Variants in CRYBG1 observed in about 807,000 individuals in gnomAD.
CRYBG1 encodes crystallin beta-gamma domain containing 1, also known as beta/gamma crystallin domain-containing protein 1.
Under a neutral mutation model 189.2 loss-of-function variants are expected in CRYBG1, and 139 were observed. The ratio of observed to expected loss-of-function variants is 0.73; its 90% CI spans 0.64 to 0.85. The LOEUF (loss-of-function observed/expected upper bound fraction) is 0.85, where lower values mean the gene tolerates loss of function less well. Among genes scored for constraint, CRYBG1 ranks in the 40% least tolerant of loss-of-function variants. The pLI is 0.00. For synonymous variants in CRYBG1, 1,023 were observed against 1,017.1 expected, an observed-to-expected ratio of 1.01 and a Z score of -0.11; for missense variants, 2,611 against 2,675.8, an observed-to-expected ratio of 0.98 and a Z score of 0.53.
intron 2 of CRYBG1, among the ~76,000 whole-genome samples, chr6:106,498,169 T>C (rs376804788): frequency 2.9e-4 from 44 of 150,514 alleles, no homozygotes; most frequent in African/African-American, 1.0e-3. Flanking sequence ...CCAATAGGTA[T>C]ATAAAACATA....
intron 1 of CRYBG1, among the ~76,000 whole-genome samples, chr6:106,423,787 C>G (rs1298981761): frequency 6.8e-6 from 1 of 147,394 alleles, no homozygotes; most frequent in African/African-American, 2.5e-5. Context: ...CTCACTGCAG[C>G]CTCAGTCTCC....
intron 15 of CRYBG1, among the ~76,000 whole-genome samples, chr6:106,552,891 A>AT (rs1774440712): frequency 6.6e-6 from 1 of 152,170 alleles, no homozygotes; most frequent in Non-Finnish European, 1.5e-5. Context: ...GACACTAGAC[A>AT]TTTTTTATGG....
At chr6:106,392,900 G>A (rs371558692) in intron 1 of CRYBG1, among the ~76,000 whole-genome samples, 23 of 151,992 alleles carry the variant, frequency 1.5e-4, no homozygotes, top group South Asian at 4.2e-4. Context: ...TCAGCCTCCC[G>A]AGTAGCTAGG....
At chr6:106,508,203 A>G (rs1036365557) in intron 2 of CRYBG1, among the ~76,000 whole-genome samples, 2 of 152,222 alleles carry the variant, frequency 1.3e-5, no homozygotes, top group Non-Finnish European at 2.9e-5. Context: ...TGATCGTGCC[A>G]CTGCACACCA....
intron 2 of CRYBG1, among the ~76,000 whole-genome samples, chr6:106,452,337 C>T (rs149107504): frequency 0.013 from 1,869 of 148,902 alleles, 37 homozygotes; most frequent in African/African-American, 0.044. Context: ...GCAGGAGAAT[C>T]GCTTAAACCC....
At chr6:106,487,126 T>A (rs1297515505) in intron 2 of CRYBG1, among the ~76,000 whole-genome samples, 1 of 152,212 alleles carries the variant, frequency 6.6e-6, no homozygotes, top group African/African-American at 2.4e-5. Context: ...AAAACAAGTC[T>A]TGTAATTATA....
intron 1 of CRYBG1, among the ~76,000 whole-genome samples, chr6:106,424,860 A>T (rs1036638955): frequency 6.6e-6 from 1 of 152,056 alleles, no homozygotes; most frequent in African/African-American, 2.4e-5. Flanking sequence ...TGTCATTGGC[A>T]TCTTCACCCT....
intron 1 of CRYBG1, among the ~76,000 whole-genome samples, chr6:106,379,315 G>T (rs1229273212): frequency 6.6e-6 from 1 of 151,002 alleles, no homozygotes; most frequent in East Asian, 2.0e-4. Context: ...AGGCTGGAGT[G>T]CAGTGGCATG....
chr6:106,362,779 G>A (rs544861815), intron 1 of CRYBG1, among the ~76,000 whole-genome samples: 14 of 152,234 alleles, frequency 9.2e-5, no homozygotes, highest in East Asian at 7.7e-4. Flanking sequence ...ACAAAATACA[G>A]TATTTAATGT....
At chr6:106,422,715 A>G (rs541643050) in intron 1 of CRYBG1, among the ~76,000 whole-genome samples, 5 of 152,248 alleles carry the variant, frequency 3.3e-5, no homozygotes, top group African/African-American at 1.2e-4. Context: ...GCATGCCTTC[A>G]TTTACTCACT....
At chr6:106,429,982 A>G (rs141453000) in intron 1 of CRYBG1, among the ~76,000 whole-genome samples, 2 of 152,310 alleles carry the variant, frequency 1.3e-5, no homozygotes, top group Admixed American at 6.5e-5. Flanking sequence ...ATTCAGAAAT[A>G]TATTACATAT....
chr6:106,532,493 A>T (rs35910317), intron 8 of CRYBG1, among the ~76,000 whole-genome samples: 1 of 152,024 alleles, frequency 6.6e-6, no homozygotes, highest in Non-Finnish European at 1.5e-5. Flanking sequence ...ACTGTTTTCC[A>T]TAATGGCTGT....
At chr6:106,469,991 C>T (rs1772196773) in intron 2 of CRYBG1, among the ~76,000 whole-genome samples, 1 of 152,096 alleles carries the variant, frequency 6.6e-6, no homozygotes, top group Non-Finnish European at 1.5e-5. Flanking sequence ...GTGGGGAGTG[C>T]AGTGTCTCTG....
intron 2 of CRYBG1, among the ~76,000 whole-genome samples, chr6:106,479,900 A>G (rs985419764): frequency 1.3e-5 from 2 of 152,238 alleles, no homozygotes; most frequent in African/African-American, 4.8e-5. Context: ...TTAGAAGCAC[A>G]AAAGTTTTTA....
At position 106,544,584 on chromosome 6, in the gene CRYBG1, G is replaced by A; in HGVS notation, c.5053G>A (p.Glu1685Lys). 1.9e-6 allele frequency: 3 copies of A among 1,613,764 alleles called. No homozygotes were observed. The highest frequency in any genetic ancestry group is 2.5e-6 in the Non-Finnish European group (3 of 1,179,822). ...KVLRGIWVAY[E>K]KPGFTGHQYL... The stretch of plus-strand genomic sequence containing the variant: ...TTTATGTTGCAGTTGGGTTGCATAT[G>A]AGAAACCTGGATTTACCGGTCATCA... The change falls in exon 12 of 22, where the codon GAG becomes AAG. Residue 1685 changes from glutamate (E) to lysine (K), a missense_variant. By Grantham distance (56) the Glu-to-Lys change is moderately conservative. Around this residue, in one of 3 missense-constraint regions of CRYBG1, gnomAD observed 1,622 missense variants for 1,735.0 expected, o/e 0.93. Coordinates refer to ENST00000633556, the MANE Select transcript of CRYBG1 (RefSeq NM_001371242.2).
chr6:106,475,619 G>C (rs1389034582), intron 2 of CRYBG1, among the ~76,000 whole-genome samples: 1 of 152,196 alleles, frequency 6.6e-6, no homozygotes, highest in Non-Finnish European at 1.5e-5. Flanking sequence ...GTACATAAAA[G>C]CAGGATGACT....
chr6:106,554,491 A>T (rs1365445326), intron 16 of CRYBG1, among the ~76,000 whole-genome samples: 3 of 152,172 alleles, frequency 2.0e-5, no homozygotes, highest in Admixed American at 6.5e-5. Context: ...ACACACCTGT[A>T]ATCCCAGCTA....
intron 1 of CRYBG1, among the ~76,000 whole-genome samples, chr6:106,417,233 G>A (rs989834656): frequency 6.6e-6 from 1 of 151,920 alleles, no homozygotes; most frequent in African/African-American, 2.4e-5. Context: ...TTAAAAAGCA[G>A]GGCTACAGAC....
In CRYBG1 at chr6:106,570,530, G is replaced by A. The variant is rs1210218039; in HGVS notation, c.*1964G>A. Reference sequence around the variant, plus strand: ...GTCAGCTAGCAGATTAGAAACAAATGTCTGATTAGGATGAAGCAGGTTTGA... The same window carrying A: ...GTCAGCTAGCAGATTAGAAACAAATATCTGATTAGGATGAAGCAGGTTTGA... On this transcript the variant is annotated 3_prime_UTR_variant, in exon 22 of 22. Transcript: ENST00000633556. 6.6e-6 allele frequency: 1 copy of A among 152,218 alleles called. No individual in the cohort carries two copies. Among genetic ancestry groups the A allele is most frequent in the Non-Finnish European group, 1.5e-5 (1 of 68,044 alleles). 9.4% of individuals were successfully genotyped at this position (152,218 alleles called of 1,614,324 possible). A position where few individuals can be genotyped will look rare whatever the true frequency, so the allele number is the denominator to read the frequency against.
Sources: allele counts gnomAD v4.1 joint callset (sites outside exome capture counted in the v4.1 genomes callset), GRCh38; gene constraint gnomAD v4.1.1; regional missense constraint gnomAD v4.1.1; transcripts MANE v1.5; gene names NCBI Gene and HGNC (gene_info 2026-07-23, HGNC 2026-07-21).